Variants in ASPM observed in about 807,000 individuals in gnomAD.
ASPM encodes the protein assembly factor for spindle microtubules.
A neutral mutation model predicts 366.4 loss-of-function variants in ASPM; 256 were observed. The observed-to-expected ratio is 0.70, with a 90% CI of 0.63 to 0.77. The LOEUF (loss-of-function observed/expected upper bound fraction) is 0.77. Among genes scored for constraint, ASPM ranks in the 30% least tolerant of loss-of-function variants. The pLI is 0.00. For missense variants in ASPM, 4,146 were observed against 4,090.4 expected, an observed-to-expected ratio of 1.01 and a Z score of -0.37; for synonymous variants, 1,414 against 1,342.9, an observed-to-expected ratio of 1.05 and a Z score of -1.16.
intron 19 of ASPM, among the ~76,000 whole-genome samples, chr1:197,095,109 A>G (rs1392731636): frequency 1.3e-5 from 2 of 151,758 alleles, no homozygotes; most frequent in Non-Finnish European, 2.9e-5. Context: ...TTCTAATTCT[A>G]TTCCTCTAGT....
intron 20 of ASPM, 137 bp downstream of exon 20, chr1:197,093,947 T>C (rs1003489342): frequency 1.2e-5 from 7 of 596,276 alleles, no homozygotes; most frequent in Admixed American, 3.1e-5. Flanking sequence ...GTGTGTGAAA[T>C]AAATGCATAC....
Position 197,125,040 on chromosome 1 carries a change from T to A in ASPM, c.3082+6A>T, listed in dbSNP as rs1455227865. 5 of 1,613,848 alleles carry A rather than the reference T, an allele frequency of 3.1e-6. No homozygotes were observed. Among genetic ancestry groups the A allele is most frequent in the East Asian group, 2.2e-5 (1 of 44,854 alleles). The stretch of plus-strand genomic sequence containing the variant: ...AGAATAAGTTTTACCTCTACTCAGT[T>A]TTTACCATGCTCATCACTTAATTCA... On this transcript the variant is annotated splice_donor_region_variant and intron_variant, in intron 11 of 27. Transcript: ENST00000367409.
intron 4 of ASPM, among the ~76,000 whole-genome samples, chr1:197,137,061 T>C (rs183977774): frequency 4.6e-5 from 7 of 152,288 alleles, no homozygotes; most frequent in Non-Finnish European, 1.0e-4. Flanking sequence ...TGATAATTTT[T>C]ATAAGGTAGA....
At position 197,144,083 on chromosome 1, in the gene ASPM, A is replaced by G; in HGVS notation, c.315T>C (p.Val105=). 6.2e-7 allele frequency: 1 copy of G among 1,605,258 alleles called. No individual in the cohort carries two copies. Among genetic ancestry groups the G allele is most frequent in the Non-Finnish European group, 8.5e-7 (1 of 1,172,370 alleles). The stretch of plus-strand genomic sequence containing the variant: ...TGAGTGGTGTCCAGTTAACAGAAAT[A>G]ACAATTTTCTCTTTAGGCTATAATC... ...CFVLQPKEKI[V]ISVNWTPLKE... Residue 105 remains valine (V), a synonymous_variant, in exon 2 of 28, where the codon GTT becomes GTC. Transcript: ENST00000367409.
intron 4 of ASPM, chr1:197,138,761 T>A: frequency 1.4e-6 from 1 of 723,160 alleles, no homozygotes; most frequent in Non-Finnish European, 2.5e-6. Flanking sequence ...TTTCTTACGA[T>A]GTTTGTCTTT....
intron 16 of ASPM, among the ~76,000 whole-genome samples, chr1:197,118,516 T>C (rs955880584): frequency 1.3e-5 from 2 of 152,110 alleles, no homozygotes; most frequent in Non-Finnish European, 2.9e-5. Flanking sequence ...AGAAGTGGTA[T>C]CTGAGATGCC....
At chr1:197,132,440 A>G (rs907432252) in intron 6 of ASPM, 88 bp from the exon 7 acceptor site, 2 of 1,027,368 alleles carry the variant, frequency 1.9e-6, no homozygotes, top group African/African-American at 1.6e-5. Flanking sequence ...TATCAGTGGG[A>G]AAAAAATACT....
intron 18 of ASPM, 134 bp from the exon 19 acceptor site, chr1:197,096,298 C>A: frequency 2.6e-6 from 2 of 757,686 alleles, no homozygotes. Context: ...TATCATGACT[C>A]TTTTAGACTT....
At chr1:197,105,962 A>G (rs548491512) in intron 17 of ASPM, among the ~76,000 whole-genome samples, 1 of 151,976 alleles carries the variant, frequency 6.6e-6, no homozygotes, top group South Asian at 2.1e-4. Flanking sequence ...CAATAAGACC[A>G]TTCCTTTGTA....
chr1:197,122,100 C>T (rs1476213055), intron 15 of ASPM, 57 bp from the exon 16 acceptor site: 1 of 1,599,012 alleles, frequency 6.3e-7, no homozygotes, highest in African/African-American at 1.3e-5. Context: ...ACAGTACTTA[C>T]TATCATCTTC....
At chr1:197,117,750 A>T (rs1009029705) in intron 17 of ASPM, 39 bp downstream of exon 17, 1 of 1,553,530 alleles carries the variant, frequency 6.4e-7, no homozygotes, top group Non-Finnish European at 8.7e-7. Flanking sequence ...AAAGTCATTA[A>T]AATTTTTTAA....
At chr1:197,127,438 T>C (rs1277116278) in intron 10 of ASPM, among the ~76,000 whole-genome samples, 1 of 152,204 alleles carries the variant, frequency 6.6e-6, no homozygotes, top group Admixed American at 6.5e-5. Flanking sequence ...TTTTGAGGCA[T>C]AGCAACTTCC....
chr1:197,103,150 A>C lies in ASPM; in HGVS notation c.6101T>G (p.Met2034Arg). The change falls in exon 18 of 28, where the codon ATG becomes AGG. Residue 2034 changes from methionine to arginine, a missense_variant. Met to Arg is a moderately conservative substitution (Grantham distance 91). This residue lies in a region of ASPM where 3,624 missense variants were observed against 3,591.7 expected (regional missense o/e 1.01). Transcript: ENST00000367409. ...ATCCTTTATTCTTTTTCTCACTTTC[A>C]TACCACGATAAGCTGACTGTAAAGT... ...VVTLQSAYRG[M>R]KVRKRIKDCN... 1 of 1,612,744 alleles carries C rather than the reference A, an allele frequency of 6.2e-7. No homozygotes were observed. The highest frequency in any genetic ancestry group is 8.5e-7 in the Non-Finnish European group (1 of 1,179,342).
At chr1:197,096,297 T>TATG in intron 18 of ASPM, 133 bp from the exon 19 acceptor site, 1 of 769,082 alleles carries the variant, frequency 1.3e-6, no homozygotes, top group Non-Finnish European at 2.2e-6. Context: ...ATATCATGAC[T>TATG]CTTTTAGACT....
In ASPM at chr1:197,143,261, C is replaced by T. The variant is rs1346538325; in HGVS notation, c.991G>A (p.Glu331Lys). 1.7e-5 allele frequency: 27 copies of T among 1,612,156 alleles called. No individual in the cohort carries two copies. Among genetic ancestry groups the T allele is most frequent in the Non-Finnish European group, 2.0e-5 (24 of 1,178,500 alleles). The change falls in exon 3 of 28, where the codon GAA (glutamate) becomes AAA (lysine). Residue 331 changes from glutamate (E) to lysine (K), a missense_variant. This residue lies in a region of ASPM where 512 missense variants were observed against 471.7 expected (regional missense o/e 1.09). Transcript: ENST00000367409. ...GAAAGACATGTTACTAATTCTAGTT[C>T]ATTATTAGCTCCATGACTATTATTT... ...FVNNSHGANNELELVTCLSSD... is the reference protein window; with the variant it reads ...FVNNSHGANNKLELVTCLSSD...
chr1:197,100,455 A>G lies in ASPM; in HGVS notation c.8796T>C (p.Ile2932=). Residue 2932 remains isoleucine, a synonymous_variant, in exon 18 of 28, where the codon ATT becomes ATC. Coordinates refer to ENST00000367409, the MANE Select transcript of ASPM (RefSeq NM_018136.5). The part of the protein sequence containing the change: ...GFIQKRKFQE[I]KNSTIKIQAM... ...CCTGAATTTTTATGGTGCTATTTTT[A>G]ATTTCCTGAAACTTCCGTTTCTGTA... 6.4e-7 allele frequency: 1 copy of G among 1,562,630 alleles called. No homozygotes were observed.
Position 197,102,202 on chromosome 1 carries a change from A to T in ASPM, c.7049T>A (p.Leu2350Ter), listed in dbSNP as rs2125094632. The T allele has an allele frequency of 6.2e-7, 1 of 1,612,742 alleles. No individual in the cohort carries two copies. The highest frequency in any genetic ancestry group is 8.5e-7 in the Non-Finnish European group (1 of 1,179,266). ...TTTCAAAGCCTGATATCTCATATGTAATCTGTGCATTCTGAAAGTAGACTG... is the reference window on the plus strand; with the variant it reads ...TTTCAAAGCCTGATATCTCATATGTTATCTGTGCATTCTGAAAGTAGACTG... ...FIQSTFRMHR[L>*]HMRYQALKQA... is the part of the protein sequence containing the mutation. Residue 2350 changes from leucine (L) to a stop codon, truncating the protein, a stop_gained, in exon 18 of 28, where the codon TTA becomes TAA. Coordinates refer to ENST00000367409, the MANE Select transcript of ASPM (RefSeq NM_018136.5). LOFTEE classifies it high-confidence loss of function.
At chr1:197,131,014 T>G (rs1333263665) in intron 7 of ASPM, among the ~76,000 whole-genome samples, 2 of 152,202 alleles carry the variant, frequency 1.3e-5, no homozygotes, top group Non-Finnish European at 2.9e-5. Flanking sequence ...CTATTTCAAT[T>G]GAGGTTCCAG....
intron 12 of ASPM, 94 bp downstream of exon 12, chr1:197,124,776 G>A (rs754871783): frequency 2.0e-5 from 20 of 1,001,070 alleles, no homozygotes; most frequent in African/African-American, 3.2e-5. Flanking sequence ...TTAAATGATG[G>A]TTGTTGTTGT....
Sources: gnomAD v4.1 joint callset for allele counts (sites outside exome capture counted in the v4.1 genomes callset) on GRCh38, gnomAD v4.1.1 for gene constraint, gnomAD v4.1.1 regional missense constraint, MANE v1.5 for transcripts, NCBI Gene and HGNC (gene_info 2026-07-23, HGNC 2026-07-21) for gene names.